The following PAX5 variants were observed in gnomAD, a reference collection of about 807,000 sequenced individuals.
PAX5 encodes paired box protein Pax-5.
In PAX5, 9 loss-of-function variants were observed where a neutral mutation model predicts 43.7. That is an observed-to-expected ratio of 0.21 (90% CI 0.12 to 0.36). The LOEUF (loss-of-function observed/expected upper bound fraction) is 0.36. Among genes scored for constraint, PAX5 ranks in the 10% least tolerant of loss-of-function variants. The pLI, the probability that PAX5 is intolerant of heterozygous loss-of-function variation, is 1.00. For missense variants in PAX5, 383 were observed against 532.7 expected (o/e 0.72, Z 2.77); for synonymous variants, 228 against 214.3 (o/e 1.06, Z -0.56).
rs572147972 is a variant in PAX5 at position 36,989,860 on chromosome 9, G to A, written c.604+12788C>T. On this transcript the variant is annotated intron_variant, in intron 5 of 9. Transcript: ENST00000358127. ...GGTACATATTTGCTGTTGTGAACCA[G>A]GCCCTGTGCTGGGCACTAAGGTGAC... Among the ~76,000 whole-genome samples the A allele has an allele frequency of 2.0e-5, 3 of 152,312 alleles. No homozygotes were observed. The South Asian group carries it at 6.2e-4, about 32-fold the overall frequency.
intron 6 of PAX5, among the ~76,000 whole-genome samples, chr9:36,954,388 T>C (rs1406485504): frequency 3.3e-5 from 5 of 152,232 alleles, no homozygotes; most frequent in Non-Finnish European, 5.9e-5. Context: ...TCTCATATCT[T>C]TCTTATTGAA....
chr9:36,988,485 A>T (rs1322156481), intron 5 of PAX5, among the ~76,000 whole-genome samples: 5 of 152,078 alleles, frequency 3.3e-5, no homozygotes, highest in Admixed American at 6.6e-5. Context: ...ACAAAGCGAG[A>T]TCTTGTCTTG....
chr9:37,014,076 T>C (rs1170934773), intron 3 of PAX5, among the ~76,000 whole-genome samples: 1 of 152,226 alleles, frequency 6.6e-6, no homozygotes, highest in Non-Finnish European at 1.5e-5. Flanking sequence ...TTCTCTTTTC[T>C]CTGCAGAGTT....
rs56223123 is a variant in PAX5 at position 36,929,235 on chromosome 9, GAGGAAGGAAGGAAGGAAGGAAGGAAGGA to G, written c.781-5779_781-5752del. Among the ~76,000 whole-genome samples, 342 of 134,466 alleles carry G rather than the reference GAGGAAGGAAGGAAGGAAGGAAGGAAGGA, an allele frequency of 2.5e-3. 2 individuals are homozygous for G. Among genetic ancestry groups the G allele is most frequent in the African/African-American group, 9.0e-3 (317 of 35,410 alleles). 88.2% of individuals were successfully genotyped at this position (134,466 alleles called of 152,430 possible). ...AGGAAGGAAGGAAGAAGGAAGGAAG[GAGGAAGGAAGGAAGGAAGGAAGGAAGGA>G]AGGAAGGAAGGAAGGAAGGAAGGAA... On this transcript the variant is annotated intron_variant, in intron 6 of 9. Coordinates refer to ENST00000358127, the MANE Select transcript of PAX5 (RefSeq NM_016734.3).
intron 7 of PAX5, chr9:36,923,062 C>T (rs1830305989): frequency 8.3e-6 from 3 of 362,242 alleles, no homozygotes; most frequent in Non-Finnish European, 1.5e-5. Flanking sequence ...CACTCAGCCC[C>T]ACCCACGGGG....
intron 8 of PAX5, among the ~76,000 whole-genome samples, chr9:36,873,944 C>T (rs975568553): frequency 2.0e-5 from 3 of 152,228 alleles, no homozygotes; most frequent in Non-Finnish European, 4.4e-5. Flanking sequence ...GTGGAAATGA[C>T]ATGTCAGATG....
chr9:36,846,760 G>A lies in PAX5; in HGVS notation c.1099+83C>T, dbSNP rs543285897. Reference sequence around the variant, plus strand: ...CACCTCAGTGACCAGACCTCAGGATGTCGAGGGACCCAGGCCAGTGAGGAG... The same window carrying A: ...CACCTCAGTGACCAGACCTCAGGATATCGAGGGACCCAGGCCAGTGAGGAG... On this transcript the variant is annotated intron_variant, in intron 9 of 9. Coordinates refer to ENST00000358127, the MANE Select transcript of PAX5 (RefSeq NM_016734.3). 1.3e-4 allele frequency: 127 copies of A among 942,740 alleles called. No homozygotes were observed. The Admixed American group carries it at 2.1e-3, about 15-fold the overall frequency. 58.4% of individuals were successfully genotyped at this position (942,740 alleles called of 1,614,324 possible).
intron 5 of PAX5, among the ~76,000 whole-genome samples, chr9:37,001,188 G>A (rs1186580733): frequency 1.3e-5 from 2 of 152,192 alleles, no homozygotes; most frequent in Admixed American, 6.5e-5. Flanking sequence ...ATAGCACTCC[G>A]AAAACAAAGT....
chr9:36,857,706 C>A (rs1242111417), intron 8 of PAX5, among the ~76,000 whole-genome samples: 1 of 152,206 alleles, frequency 6.6e-6, no homozygotes, highest in Admixed American at 6.5e-5. Flanking sequence ...CTGCCTCTGT[C>A]CCCAGGGAAG....
intron 7 of PAX5, among the ~76,000 whole-genome samples, chr9:36,891,283 G>T: frequency 6.6e-6 from 1 of 152,216 alleles, no homozygotes; most frequent in South Asian, 2.1e-4. Context: ...ATGAGCTGAA[G>T]ATTTTCAACA....
chr9:36,930,615 T>A (rs1356137090), intron 6 of PAX5, among the ~76,000 whole-genome samples: 2 of 152,214 alleles, frequency 1.3e-5, no homozygotes, highest in Non-Finnish European at 2.9e-5. Flanking sequence ...AGGGTTTTTG[T>A]CCCAGCTCTG....
intron 1 of PAX5, among the ~76,000 whole-genome samples, chr9:37,025,443 G>A (rs1263361579): frequency 6.6e-6 from 1 of 152,046 alleles, no homozygotes; most frequent in East Asian, 1.9e-4. Flanking sequence ...GGGGTGGGAG[G>A]ACCAGGCATG....
intron 5 of PAX5, among the ~76,000 whole-genome samples, chr9:36,968,852 A>G (rs1444377201): frequency 6.6e-6 from 1 of 152,184 alleles, no homozygotes; most frequent in Non-Finnish European, 1.5e-5. Flanking sequence ...TCTGCCCAGC[A>G]GTGTTCTTCC....
At chr9:36,904,938 A>G (rs1828697509) in intron 7 of PAX5, among the ~76,000 whole-genome samples, 1 of 152,242 alleles carries the variant, frequency 6.6e-6, no homozygotes. Context: ...TTGTAGACTA[A>G]GAAGAAAGTT....
intron 5 of PAX5, among the ~76,000 whole-genome samples, chr9:36,974,361 C>G (rs559427147): frequency 6.6e-6 from 1 of 152,264 alleles, no homozygotes; most frequent in East Asian, 1.9e-4. Flanking sequence ...GTTCTCACCC[C>G]GGATAGAGCG....
intron 5 of PAX5, among the ~76,000 whole-genome samples, chr9:36,986,174 C>T (rs923634887): frequency 5.3e-5 from 8 of 151,720 alleles, no homozygotes; most frequent in African/African-American, 1.7e-4. Flanking sequence ...CCCCGGAAAG[C>T]TGGCATCCGT....
intron 4 of PAX5, among the ~76,000 whole-genome samples, chr9:37,005,174 A>T (rs537568675): frequency 6.6e-6 from 1 of 152,328 alleles, no homozygotes; most frequent in East Asian, 1.9e-4. Flanking sequence ...TCTTCACCCT[A>T]GCCCAGCAGA....
At chr9:36,896,911 G>A (rs1827916855) in intron 7 of PAX5, among the ~76,000 whole-genome samples, 1 of 152,220 alleles carries the variant, frequency 6.6e-6, no homozygotes, top group Non-Finnish European at 1.5e-5. Flanking sequence ...GGAAATTGAG[G>A]CTCCAAGAGG....
At chr9:36,941,477 C>T (rs1260598282) in intron 6 of PAX5, among the ~76,000 whole-genome samples, 1 of 152,270 alleles carries the variant, frequency 6.6e-6, no homozygotes, top group South Asian at 2.1e-4. Context: ...CCCAGTATGC[C>T]GGGCGTGAAT....
Sources: allele counts gnomAD v4.1 joint callset (sites outside exome capture counted in the v4.1 genomes callset), GRCh38; gene constraint gnomAD v4.1.1; transcripts MANE v1.5; gene names NCBI Gene and HGNC (gene_info 2026-07-23, HGNC 2026-07-21).